The following TRMT11 variants were observed in gnomAD, a reference collection of about 807,000 sequenced individuals.
TRMT11 encodes the protein tRNA methyltransferase 11.
TRMT11 carries 53 observed loss-of-function variants against 62.8 expected under a neutral mutation model. That is an observed-to-expected ratio of 0.84 (90% confidence interval 0.68 to 1.06). The LOEUF (loss-of-function observed/expected upper bound fraction) is 1.06, where lower values mean the gene tolerates loss of function less well. TRMT11 is among the 50% of genes least tolerant of loss of function. TRMT11 has a pLI of 0.00. For synonymous variants in TRMT11, 188 were observed against 190.3 expected (o/e 0.99, Z 0.10); for missense variants, 556 against 553.4 (o/e 1.00, Z -0.05).
intron 6 of TRMT11, among the ~76,000 whole-genome samples, chr6:125,999,149 C>A (rs1233107197): frequency 6.6e-6 from 1 of 151,960 alleles, no homozygotes; most frequent in African/African-American, 2.4e-5. Context: ...GAAGTTGTGA[C>A]TTATGTTAGA....
intron 1 of TRMT11, among the ~76,000 whole-genome samples, chr6:125,988,709 TGAGTG>T (rs1790081867): frequency 6.6e-6 from 1 of 152,070 alleles, no homozygotes; most frequent in Non-Finnish European, 1.5e-5. Flanking sequence ...GTAAAACGAT[TGAGTG>T]GAGAAGAGCA....
chr6:126,092,304 T>A (rs1450415985), intron 17 of TRMT11, among the ~76,000 whole-genome samples: 1 of 152,184 alleles, frequency 6.6e-6, no homozygotes, highest in Non-Finnish European at 1.5e-5. Context: ...TTTAATGGAC[T>A]CACAGTTCCA....
At chr6:126,015,402 AT>A (rs113670790) in intron 11 of TRMT11, among the ~76,000 whole-genome samples, 4 of 151,294 alleles carry the variant, frequency 2.6e-5, no homozygotes, top group Admixed American at 2.0e-4. Context: ...AATTTTTTGT[AT>A]TTTTTTAGTA....
the TRMT11 span, among the ~76,000 whole-genome samples, chr6:126,250,917 A>G: frequency 1.3e-5 from 2 of 152,182 alleles, no homozygotes; most frequent in African/African-American, 4.8e-5. Flanking sequence ...TTATTGAATG[A>G]AAGTTGATTG....
intron 12 of TRMT11, among the ~76,000 whole-genome samples, chr6:126,028,587 A>G (rs1773618076): frequency 6.6e-6 from 1 of 152,200 alleles, no homozygotes; most frequent in South Asian, 2.1e-4. Flanking sequence ...ACTTAGTTCC[A>G]AATGAATTTT....
At chr6:126,015,204 C>G (rs528199749) in intron 11 of TRMT11, among the ~76,000 whole-genome samples, 14 of 152,206 alleles carry the variant, frequency 9.2e-5, no homozygotes, top group African/African-American at 3.4e-4. Context: ...CTACCTCCCC[C>G]CGACTCCTGC....
chr6:126,248,540 C>A, the TRMT11 span, among the ~76,000 whole-genome samples: 2 of 151,976 alleles, frequency 1.3e-5, no homozygotes, highest in African/African-American at 2.4e-5. Context: ...GAGTTCCACA[C>A]CCTTCTATCT....
At chr6:126,117,228 T>C (rs1777599906) in intron 21 of TRMT11, among the ~76,000 whole-genome samples, 1 of 152,142 alleles carries the variant, frequency 6.6e-6, no homozygotes, top group Non-Finnish European at 1.5e-5. Flanking sequence ...CTACACCTCC[T>C]GGTCTCCAAT....
At chr6:126,133,200 T>C (rs998160962) in intron 21 of TRMT11, among the ~76,000 whole-genome samples, 1 of 152,030 alleles carries the variant, frequency 6.6e-6, no homozygotes, top group Admixed American at 6.6e-5. Context: ...TGTTATTCTC[T>C]TGCAGTTTTT....
chr6:126,008,486 A>G lies in TRMT11; in HGVS notation c.760+14A>G, dbSNP rs1185923683. On this transcript the variant is annotated intron_variant, in intron 8 of 12. Coordinates refer to ENST00000334379, the MANE Select transcript of TRMT11 (RefSeq NM_001031712.3). ...TTCATGGCTTGGGTGAGTAGAGATT[A>G]TAGACAGTATTATAGTCATTGCTGT... The G allele has an allele frequency of 1.9e-6, 3 of 1,603,304 alleles. No individual in the cohort carries two copies. Among genetic ancestry groups the G allele is most frequent in the Admixed American group, 1.7e-5 (1 of 59,932 alleles).
Position 126,011,387 on chromosome 6 carries a change from G to A in TRMT11, c.895G>A (p.Gly299Ser), listed in dbSNP as rs1444845720. The A allele has an allele frequency of 5.0e-6, 8 of 1,612,706 alleles. No homozygotes were observed. The East Asian group carries it at 1.1e-4, about 22-fold the overall frequency. ...TGCATCTAAACCTTCCTGGAGGAAG[G>A]GCACATATTTTGATGCAATCATTAC... is the stretch of plus-strand genomic sequence containing the variant. ...SDASKPSWRKGTYFDAIITDP... is the reference protein window; with the variant it reads ...SDASKPSWRKSTYFDAIITDP... Residue 299 changes from glycine (G) to serine (S), a missense_variant, in exon 9 of 13, where the codon GGC becomes AGC. Transcript: ENST00000334379.
intron 1 of TRMT11, among the ~76,000 whole-genome samples, chr6:126,197,499 T>A (rs185734804): frequency 1.3e-5 from 2 of 152,332 alleles, no homozygotes; most frequent in African/African-American, 4.8e-5. Context: ...ATTACACATT[T>A]TAAAAGCTAC....
At chr6:126,270,840 GT>G in the TRMT11 span, among the ~76,000 whole-genome samples, 1 of 152,030 alleles carries the variant, frequency 6.6e-6, no homozygotes, top group Non-Finnish European at 1.5e-5. Context: ...ATTTTCCCAT[GT>G]TTTTCAACCT....
chr6:126,189,532 A>G (rs888556542), intron 1 of TRMT11, among the ~76,000 whole-genome samples: 7 of 152,272 alleles, frequency 4.6e-5, no homozygotes, highest in South Asian at 2.1e-4. Flanking sequence ...TTTATAGAAA[A>G]TGGGAAAATT....
chr6:126,223,112 T>A, the TRMT11 span, among the ~76,000 whole-genome samples: 1 of 152,208 alleles, frequency 6.6e-6, no homozygotes, highest in Non-Finnish European at 1.5e-5. Flanking sequence ...AATTCTTGGT[T>A]GGAATTTCTT....
At chr6:126,174,735 C>A (rs1446499766), upstream of TRMT11, among the ~76,000 whole-genome samples, 1 of 152,192 alleles carries the variant, frequency 6.6e-6, no homozygotes, top group Non-Finnish European at 1.5e-5. Flanking sequence ...TACATCCCCA[C>A]CCTGAATGTC....
chr6:126,160,262 T>G (rs1330674), intron 21 of TRMT11, among the ~76,000 whole-genome samples: 48,106 of 151,762 alleles, frequency 0.32, 9,204 homozygotes, highest in African/African-American at 0.54. Flanking sequence ...TTATATGCTC[T>G]TAGGGAGACT....
the TRMT11 span, among the ~76,000 whole-genome samples, chr6:126,244,791 A>G: frequency 6.6e-6 from 1 of 152,280 alleles, no homozygotes; most frequent in South Asian, 2.1e-4. Flanking sequence ...GGTGCAATTT[A>G]TTTGATATCC....
chr6:126,144,471 A>G (rs1777953096), intron 21 of TRMT11, among the ~76,000 whole-genome samples: 1 of 152,166 alleles, frequency 6.6e-6, no homozygotes, highest in Admixed American at 6.6e-5. Flanking sequence ...TATGTGAGTT[A>G]CTTAGAACCA....
Sources: gnomAD v4.1 joint callset for allele counts (sites outside exome capture counted in the v4.1 genomes callset) on GRCh38, gnomAD v4.1.1 for gene constraint, MANE v1.5 for transcripts, NCBI Gene and HGNC (gene_info 2026-07-23, HGNC 2026-07-21) for gene names.